RNF10: variants seen among roughly 807,000 people sequenced by gnomAD.
RNF10 encodes E3 ubiquitin-protein ligase RNF10.
A neutral mutation model predicts 91.4 loss-of-function variants in RNF10; 38 were observed. The observed-to-expected ratio is 0.42, with a 90% CI of 0.32 to 0.54. RNF10 has a LOEUF of 0.54. RNF10 is among the 20% of genes least tolerant of loss of function. RNF10 has a pLI of 0.16. For synonymous variants in RNF10, 364 were observed against 366.3 expected (o/e 0.99, Z 0.07); for missense variants, 945 against 1,012.0 (o/e 0.93, Z 0.90).
rs202018576 is a variant in RNF10 at position 120,557,409 on chromosome 12, A to G, written c.773A>G (p.Lys258Arg). 6.2e-7 allele frequency: 1 copy of G among 1,614,210 alleles called. No homozygotes were observed. The highest frequency in any genetic ancestry group is 1.3e-5 in the African/African-American group (1 of 75,064). Residue 258 changes from lysine (K) to arginine (R), a missense_variant, in exon 5 of 17, where the codon AAG becomes AGG. Physicochemically the swap from Lys to Arg is conservative, Grantham distance 26. Transcript: ENST00000325954. ...CILHYLSLSE[K>R]TWSKCPICYS... ...CTGCACTATCTTTCACTGAGTGAGA[A>G]GACGTGGAGTAAATGTCCCATCTGT... is the stretch of plus-strand genomic sequence containing the variant.
intron 8 of RNF10, 30 bp from the exon 9 acceptor site, chr12:120,563,317 T>C (rs1462767780): frequency 6.3e-7 from 1 of 1,586,694 alleles, no homozygotes; most frequent in Non-Finnish European, 8.6e-7. Context: ...GGAGATATCC[T>C]TTCTGTTGAC....
intron 1 of RNF10, among the ~76,000 whole-genome samples, chr12:120,537,881 A>G (rs893171499): frequency 4.6e-5 from 7 of 152,172 alleles, no homozygotes; most frequent in Admixed American, 4.6e-4. Context: ...GGAGATTAAA[A>G]GGTTAGGAAA....
chr12:120,573,820 C>A (rs1337173839), intron 14 of RNF10, among the ~76,000 whole-genome samples: 1 of 152,162 alleles, frequency 6.6e-6, no homozygotes, highest in East Asian at 1.9e-4. Context: ...ATTGAAGCAG[C>A]CTTTGTGAAA....
chr12:120,536,792 C>G (rs1278751729), intron 1 of RNF10, among the ~76,000 whole-genome samples: 9 of 152,214 alleles, frequency 5.9e-5, no homozygotes, highest in Admixed American at 5.2e-4. Context: ...GAATTCTCAA[C>G]TAATTTTTCT....
chr12:120,537,376 C>T (rs1411538054), intron 1 of RNF10, among the ~76,000 whole-genome samples: 2 of 152,128 alleles, frequency 1.3e-5, no homozygotes, highest in Admixed American at 6.6e-5. Flanking sequence ...CCTGTAATCC[C>T]AGCACTTTGG....
intron 7 of RNF10, 102 bp downstream of exon 7, chr12:120,560,988 A>G (rs1874763004): frequency 1.7e-6 from 2 of 1,195,348 alleles, no homozygotes; most frequent in Non-Finnish European, 2.3e-6. Context: ...GGGTGAGATG[A>G]TGGACGCTGG....
In RNF10 at chr12:120,534,494, TCCGG is replaced by T. The variant is rs924211040; in HGVS notation, c.-304_-301del. On this transcript the variant is annotated 5_prime_UTR_variant, in exon 1 of 17. Transcript: ENST00000325954. ...CCCTGCCTCGCGGCGGGAGAGCGTG[TCCGG>T]CCGGCCGGCCGGCGGGGCTCGCGCA... The T allele has an allele frequency of 2.2e-4, 48 of 217,530 alleles. No homozygotes were observed. The highest frequency in any genetic ancestry group is 3.9e-4 in the East Asian group (3 of 7,620). The allele number at this position is 217,530 out of a possible 1,614,324, so 13.5% of individuals were successfully genotyped here. A position where few individuals can be genotyped will look rare whatever the true frequency, so the allele number is the denominator to read the frequency against.
At chr12:120,567,124 AT>A in intron 13 of RNF10, 144 bp downstream of exon 13, 3 of 710,940 alleles carry the variant, frequency 4.2e-6, no homozygotes, top group African/African-American at 1.9e-5. Context: ...GGTACATCAA[AT>A]TCTTTTATTC....
chr12:120,562,012 T>A (rs1240484180), intron 7 of RNF10, among the ~76,000 whole-genome samples: 2 of 152,130 alleles, frequency 1.3e-5, no homozygotes, highest in Non-Finnish European at 2.9e-5. Context: ...TTATTTTTTT[T>A]AACTTTTAAG....
intron 1 of RNF10, among the ~76,000 whole-genome samples, chr12:120,539,792 T>C (rs904953228): frequency 6.6e-6 from 1 of 152,128 alleles, no homozygotes; most frequent in Non-Finnish European, 1.5e-5. Context: ...ACAGTAGTTC[T>C]TGGCAGTTGT....
intron 2 of RNF10, among the ~76,000 whole-genome samples, chr12:120,548,391 C>T (rs1424481216): frequency 6.6e-6 from 1 of 152,050 alleles, no homozygotes; most frequent in Non-Finnish European, 1.5e-5. Context: ...AAGAAACCAG[C>T]AGAAGAGAGC....
At chr12:120,554,404 G>A (rs1403688095) in intron 3 of RNF10, 2 of 287,296 alleles carry the variant, frequency 7.0e-6, no homozygotes, top group African/African-American at 2.3e-5. Context: ...GGGTGAGAGA[G>A]GAAATCTGGC....
At chr12:120,573,076 TGAAAA>T (rs1876907144) in intron 14 of RNF10, among the ~76,000 whole-genome samples, 1 of 152,170 alleles carries the variant, frequency 6.6e-6, no homozygotes, top group Non-Finnish European at 1.5e-5. Context: ...TTTTCTGTGT[TGAAAA>T]GAAGTTGCAG....
chr12:120,566,676 C>T (rs189729268), intron 12 of RNF10, 149 bp from the exon 13 acceptor site: 81 of 695,036 alleles, frequency 1.2e-4, no homozygotes, highest in Non-Finnish European at 1.6e-4. Flanking sequence ...GTGGGAGGAT[C>T]GCTTGAGCCT....
intron 10 of RNF10, 149 bp from the exon 11 acceptor site, chr12:120,564,923 G>T: frequency 1.5e-6 from 1 of 660,816 alleles, no homozygotes. Context: ...TTTCTCTTTG[G>T]CTTTTCAAAA....
chr12:120,566,657 G>A (rs568058), intron 12 of RNF10, among the ~76,000 whole-genome samples, 168 bp from the exon 13 acceptor site: 4,782 of 152,032 alleles, frequency 0.031, 125 homozygotes, highest in Non-Finnish European at 0.05. Context: ...GGCTACTCGG[G>A]AGGCTGAGGT....
Position 120,557,528 on chromosome 12 carries a change from T to A in RNF10, c.831-18T>A, listed in dbSNP as rs1472443099. On this transcript the variant is annotated intron_variant, in intron 5 of 16. Transcript: ENST00000325954. The stretch of plus-strand genomic sequence containing the variant: ...TCTTCACTCCTTGCCCTGCTACATA[T>A]GAGTGTCCATGTTTCAGTGTTGTTG... 5.0e-6 allele frequency: 8 copies of A among 1,614,146 alleles called. No individual in the cohort carries two copies. The highest frequency in any genetic ancestry group is 5.9e-6 in the Non-Finnish European group (7 of 1,179,972).
At position 120,577,327 on chromosome 12, in the gene RNF10, C is replaced by T. The variant is rs1877522689; in HGVS notation, c.*661C>T. On this transcript the variant is annotated 3_prime_UTR_variant, in exon 17 of 17. Transcript: ENST00000325954. ...GTAAGGAAAGCTGTAACTCACGAAGCCCTGAGACCTGCTACCCCTAAGATC... is the reference window on the plus strand; with the variant it reads ...GTAAGGAAAGCTGTAACTCACGAAGTCCTGAGACCTGCTACCCCTAAGATC... 5.3e-6 allele frequency: 2 copies of T among 373,934 alleles called. No individual in the cohort carries two copies. The allele number at this position is 373,934 out of a possible 1,614,324, so 23.2% of individuals were successfully genotyped here. A position where few individuals can be genotyped will look rare whatever the true frequency, so the allele number is the denominator to read the frequency against.
Position 120,552,526 on chromosome 12 carries a change from A to C in RNF10, c.382A>C (p.Ser128Arg). The change falls in exon 3 of 17, where the codon AGC (serine) becomes CGC (arginine). Residue 128 changes from serine to arginine, a missense_variant. Transcript: ENST00000325954. Reference protein sequence around the residue: ...EVAEAQRAEFSPAQFSGPKKI... With the variant: ...EVAEAQRAEFRPAQFSGPKKI... ...AGCAGAGGCTCAACGGGCAGAGTTT[A>C]GCCCTGCCCAGTTCTCTGGTCCTAA... The C allele has an allele frequency of 6.2e-7, 1 of 1,614,192 alleles. No homozygotes were observed. The highest frequency in any genetic ancestry group is 2.2e-5 in the East Asian group (1 of 44,894).
Sources: gnomAD v4.1 joint callset for allele counts (sites outside exome capture counted in the v4.1 genomes callset) on GRCh38, gnomAD v4.1.1 for gene constraint, MANE v1.5 for transcripts, NCBI Gene and HGNC (gene_info 2026-07-23, HGNC 2026-07-21) for gene names.